The following SLC71A2 variants were observed in gnomAD, a reference collection of about 807,000 sequenced individuals.
SLC71A2 encodes hippocampus abundant transcript-like 1.
the SLC71A2 span, among the ~76,000 whole-genome samples, chr9:94,422,747 T>C: frequency 3.7e-4 from 57 of 152,330 alleles, 1 homozygote; most frequent in South Asian, 2.5e-3. Context: ...CATGTGAATA[T>C]CTTTTTGTTA....
At chr9:94,451,199 G>T in the SLC71A2 span, among the ~76,000 whole-genome samples, 2 of 152,092 alleles carry the variant, frequency 1.3e-5, no homozygotes, top group African/African-American at 4.8e-5. Context: ...GATGGAGAGG[G>T]TATATAAAAC....
the SLC71A2 span, among the ~76,000 whole-genome samples, chr9:94,456,906 TTCCTG>T: frequency 2.0e-5 from 3 of 152,132 alleles, no homozygotes; most frequent in Admixed American, 6.5e-5. Flanking sequence ...TCTGCTTCCC[TTCCTG>T]TCCTGTCTTG....
the SLC71A2 span, among the ~76,000 whole-genome samples, chr9:94,456,771 GAGTAGTAAGAAAA>G: frequency 6.6e-6 from 1 of 152,092 alleles, no homozygotes; most frequent in Non-Finnish European, 1.5e-5. Flanking sequence ...AATAGTTTGA[GAGTAGTAAGAAAA>G]AGTCTGTGTG....
chr9:94,456,273 G>T, the SLC71A2 span: 3 of 1,614,050 alleles, frequency 1.9e-6, no homozygotes, highest in Non-Finnish European at 2.5e-6. Context: ...TGGCTGCCAT[G>T]TCCAGCATCA....
the SLC71A2 span, among the ~76,000 whole-genome samples, chr9:94,435,727 T>A: frequency 6.8e-6 from 1 of 146,556 alleles, no homozygotes; most frequent in Non-Finnish European, 1.5e-5. Flanking sequence ...CGATCTCGGC[T>A]CACTGCAACC....
chr9:94,448,172 G>A, the SLC71A2 span, among the ~76,000 whole-genome samples: 3 of 151,998 alleles, frequency 2.0e-5, no homozygotes, highest in Admixed American at 6.6e-5. Context: ...CTTGTTCCAG[G>A]TCTGATTGAA....
At chr9:94,453,700 G>A in the SLC71A2 span, among the ~76,000 whole-genome samples, 1 of 152,160 alleles carries the variant, frequency 6.6e-6, no homozygotes, top group Non-Finnish European at 1.5e-5. Context: ...TATCCTTTCA[G>A]GAAGTGCCAG....
At chr9:94,387,327 C>A in the SLC71A2 span, among the ~76,000 whole-genome samples, 8 of 152,098 alleles carry the variant, frequency 5.3e-5, no homozygotes, top group African/African-American at 1.7e-4. Flanking sequence ...AGTATTAGAC[C>A]TTTCCAATGA....
At chr9:94,450,235 A>C in the SLC71A2 span, among the ~76,000 whole-genome samples, 24 of 152,292 alleles carry the variant, frequency 1.6e-4, no homozygotes, top group African/African-American at 5.3e-4. Context: ...CTTTAACAAT[A>C]ATATATATTT....
At chr9:94,444,245 G>A in the SLC71A2 span, among the ~76,000 whole-genome samples, 7 of 152,220 alleles carry the variant, frequency 4.6e-5, no homozygotes, top group Non-Finnish European at 7.3e-5. Context: ...TTATAGGAGT[G>A]CACTGTGAAG....
the SLC71A2 span, among the ~76,000 whole-genome samples, chr9:94,416,907 A>G: frequency 6.6e-6 from 1 of 152,124 alleles, no homozygotes; most frequent in African/African-American, 2.4e-5. Flanking sequence ...CTTGGGTGGA[A>G]CACAGGACTT....
the SLC71A2 span, among the ~76,000 whole-genome samples, chr9:94,397,786 CG>C: frequency 5.3e-5 from 8 of 152,136 alleles, no homozygotes; most frequent in African/African-American, 1.7e-4. Flanking sequence ...AGTGGAATTA[CG>C]GGTGTTTGGG....
At chr9:94,452,707 ATATATTCATATATATAT>A in the SLC71A2 span, among the ~76,000 whole-genome samples, 1 of 96,682 alleles carries the variant, frequency 1.0e-5, no homozygotes, top group South Asian at 2.9e-4. Flanking sequence ...ATATATTCAT[ATATATTCATATATATAT>A]AATAGATATT....
chr9:94,451,682 T>A, the SLC71A2 span, among the ~76,000 whole-genome samples: 13 of 152,234 alleles, frequency 8.5e-5, no homozygotes, highest in Admixed American at 6.5e-4. Flanking sequence ...CAAGCTATAG[T>A]ATAATATCAG....
the SLC71A2 span, among the ~76,000 whole-genome samples, chr9:94,416,615 G>C: frequency 6.6e-6 from 1 of 152,150 alleles, no homozygotes; most frequent in Admixed American, 6.6e-5. Flanking sequence ...AGCACTTTTG[G>C]AGGCCAAGGC....
chr9:94,434,929 T>C, the SLC71A2 span, among the ~76,000 whole-genome samples: 4 of 152,204 alleles, frequency 2.6e-5, no homozygotes, highest in Admixed American at 2.6e-4. Context: ...TTATACATAC[T>C]GTTTCTCTGT....
At chr9:94,418,696 T>C in the SLC71A2 span, among the ~76,000 whole-genome samples, 1 of 151,838 alleles carries the variant, frequency 6.6e-6, no homozygotes, top group Non-Finnish European at 1.5e-5. Context: ...TCGGCTGGCC[T>C]CCCAAAGTGC....
the SLC71A2 span, among the ~76,000 whole-genome samples, chr9:94,380,651 G>T: frequency 2.0e-4 from 7 of 34,244 alleles, no homozygotes; most frequent in East Asian, 7.4e-4. Flanking sequence ...ATTTTTATTT[G>T]TAGAGATGTG....
At chr9:94,426,233 A>G in the SLC71A2 span, among the ~76,000 whole-genome samples, 1 of 151,972 alleles carries the variant, frequency 6.6e-6, no homozygotes, top group Non-Finnish European at 1.5e-5. Context: ...TATCCCACTT[A>G]GAAGTCCCAC....
Sources: gnomAD v4.1 joint callset for allele counts (sites outside exome capture counted in the v4.1 genomes callset) on GRCh38, gnomAD v4.1.1 for gene constraint, MANE v1.5 for transcripts, NCBI Gene and HGNC (gene_info 2026-07-23, HGNC 2026-07-21) for gene names.